The following MEF2B variants were observed in gnomAD, a reference collection of about 807,000 sequenced individuals.
MEF2B encodes the protein myocyte enhancer factor 2B.
In MEF2B, 15 loss-of-function variants were observed where a neutral mutation model predicts 32.2. The observed-to-expected ratio is 0.47, with a 90% CI of 0.31 to 0.72. The LOEUF is 0.72. Ranked by LOEUF, MEF2B falls within the 30% of genes least tolerant of loss-of-function variation. The pLI, the probability that MEF2B is intolerant of heterozygous loss-of-function variation, is 0.05. For missense variants in MEF2B, 441 were observed against 511.5 expected, an observed-to-expected ratio of 0.86 and a Z score of 1.33; for synonymous variants, 205 against 225.6, an observed-to-expected ratio of 0.91 and a Z score of 0.82.
chr19:19,148,284 T>C, intron 3 of MEF2B, among the ~76,000 whole-genome samples: 1 of 152,172 alleles, frequency 6.6e-6, no homozygotes, highest in East Asian at 1.9e-4. Context: ...GCCAACATGG[T>C]AAGACCTCCA....
intron 6 of MEF2B, 28 bp downstream of exon 6, chr19:19,146,714 A>C: frequency 6.2e-7 from 1 of 1,613,798 alleles, no homozygotes; most frequent in Non-Finnish European, 8.5e-7. Context: ...TGCCCTCATC[A>C]GCCCTGCCAC....
At chr19:19,146,141 G>C in intron 8 of MEF2B, 119 bp from the exon 9 acceptor site, 1 of 966,856 alleles carries the variant, frequency 1.0e-6, no homozygotes, top group Admixed American at 3.5e-5. Context: ...GGGGGTGGCG[G>C]TCCCTCTTGG....
intron 1 of MEF2B, among the ~76,000 whole-genome samples, chr19:19,166,005 C>A (rs1422436765): frequency 1.3e-5 from 2 of 152,122 alleles, no homozygotes; most frequent in African/African-American, 4.8e-5. Flanking sequence ...TTATTGAGCC[C>A]TTACTGTCTG....
intron 1 of MEF2B, among the ~76,000 whole-genome samples, chr19:19,153,224 A>T (rs2060097233): frequency 6.6e-6 from 1 of 152,072 alleles, no homozygotes; most frequent in African/African-American, 2.4e-5. Context: ...CCCATTTTAG[A>T]CACAGACACC....
intron 1 of MEF2B, among the ~76,000 whole-genome samples, chr19:19,160,911 G>A (rs988162689): frequency 3.9e-5 from 6 of 152,238 alleles, no homozygotes; most frequent in Non-Finnish European, 7.4e-5. Flanking sequence ...GGGGGCCTAG[G>A]GAGGTGGTAC....
At chr19:19,149,187 A>C (rs1454391576) in intron 3 of MEF2B, 39 bp downstream of exon 3, 1 of 1,608,944 alleles carries the variant, frequency 6.2e-7, no homozygotes, top group Non-Finnish European at 8.5e-7. Context: ...AGCAGCGTGC[A>C]CGGGGCCTTG....
intron 1 of MEF2B, among the ~76,000 whole-genome samples, chr19:19,165,041 G>A (rs539147072): frequency 6.6e-6 from 1 of 152,322 alleles, no homozygotes; most frequent in East Asian, 1.9e-4. Flanking sequence ...CGAAGATGCA[G>A]CCAGCAGGGA....
Position 19,145,767 on chromosome 19 carries a change from C to G in MEF2B, c.*30G>C. On this transcript the variant is annotated 3_prime_UTR_variant, in exon 9 of 9. Coordinates refer to ENST00000424583, the MANE Select transcript of MEF2B (RefSeq NM_001145785.2). The surrounding 1 kb of genome is among the most constrained non-coding windows in gnomAD (Gnocchi z 4.6). ...ACGTGCCCTCGCCGTACCTGGCGAG[C>G]GCTCTGGGCTGGTGCCACCGGGTGA... 6.4e-7 allele frequency: 1 copy of G among 1,554,332 alleles called. No homozygotes were observed. The highest frequency in any genetic ancestry group is 1.2e-5 in the South Asian group (1 of 84,396).
At chr19:19,166,732 C>T (rs547012521) in intron 1 of MEF2B, among the ~76,000 whole-genome samples, 27 of 151,802 alleles carry the variant, frequency 1.8e-4, no homozygotes, top group Middle Eastern at 6.8e-3. Flanking sequence ...CAAGGAAAGA[C>T]AGAAAGACAT....
At chr19:19,167,657 C>G (rs536012921) in intron 1 of MEF2B, among the ~76,000 whole-genome samples, 22 of 152,312 alleles carry the variant, frequency 1.4e-4, no homozygotes, top group African/African-American at 3.1e-4. Context: ...TTTGCATTTT[C>G]CAGATGTCCA....
Position 19,146,292 on chromosome 19 carries a change from CG to C in MEF2B, c.861del (p.Ala288ProfsTer116). On this transcript the variant is annotated frameshift_variant, in exon 8 of 9. Transcript: ENST00000424583. LOFTEE classifies it low-confidence loss of function (END_TRUNC). ...PWQPSRGDGP[P>X]AVSSQPSGGR... Reference sequence around the variant, plus strand: ...ACTTACCTGGGCTGGGAGGACACGGCGGGGGGCCCATCACCCCTCGAGGGCT... The same window carrying C: ...ACTTACCTGGGCTGGGAGGACACGGCGGGGGCCCATCACCCCTCGAGGGCT... 12 of 1,248,396 alleles carry C rather than the reference CG, an allele frequency of 9.6e-6. No individual in the cohort carries two copies. Among genetic ancestry groups the C allele is most frequent in the Non-Finnish European group, 1.1e-5 (11 of 986,454 alleles). The allele number at this position is 1,248,396 out of a possible 1,614,324, so 77.3% of individuals were successfully genotyped here. A position where few individuals can be genotyped will look rare whatever the true frequency, so the allele number is the denominator to read the frequency against.
chr19:19,145,806 C>T lies in MEF2B; in HGVS notation c.1098G>A (p.Trp366Ter), dbSNP rs1484244393. ...GCCACCGGGTGATCTCCTACCGGGG[C>T]CAGCCGTCGGCCAAGGGCAGCCGGC... is the stretch of plus-strand genomic sequence containing the variant. ...ALRRLPLADG[W>*]PR The change falls in exon 9 of 9, where the codon TGG becomes TGA. Residue 366 changes from tryptophan (W) to a stop codon, truncating the protein, a stop_gained. Transcript: ENST00000424583. LOFTEE classifies it high-confidence loss of function. The surrounding 1 kb of genome is among the most constrained non-coding windows in gnomAD (Gnocchi z 4.6). 2 of 1,539,300 alleles carry T rather than the reference C, an allele frequency of 1.3e-6. No individual in the cohort carries two copies. The highest frequency in any genetic ancestry group is 1.2e-5 in the South Asian group (1 of 83,488).
At chr19:19,163,397 G>A (rs1461427769) in intron 1 of MEF2B, among the ~76,000 whole-genome samples, 1 of 152,040 alleles carries the variant, frequency 6.6e-6, no homozygotes, top group Non-Finnish European at 1.5e-5. Flanking sequence ...TGATCCTGCT[G>A]CCTCGGTCTT....
At chr19:19,165,667 G>C (rs185644252) in intron 1 of MEF2B, among the ~76,000 whole-genome samples, 128 of 152,238 alleles carry the variant, frequency 8.4e-4, no homozygotes, top group Non-Finnish European at 1.5e-3. Context: ...TGTGTGAGGA[G>C]GGGGAGGACT....
In MEF2B at chr19:19,147,194, A is replaced by T. The variant is rs754432867; in HGVS notation, c.394-11T>A. On this transcript the variant is annotated splice_polypyrimidine_tract_variant and intron_variant, in intron 4 of 8. Transcript: ENST00000424583. ...AGCAGGAGCTGCAGGCTGTGGGTAGAGAAGGGATGGGTCAGAGGACCCCAG... is the reference window on the plus strand; with the variant it reads ...AGCAGGAGCTGCAGGCTGTGGGTAGTGAAGGGATGGGTCAGAGGACCCCAG... The T allele has an allele frequency of 1.3e-6, 2 of 1,564,256 alleles. No homozygotes were observed. Among genetic ancestry groups the T allele is most frequent in the Non-Finnish European group, 1.7e-6 (2 of 1,155,246 alleles).
chr19:19,164,522 G>A (rs1388812896), intron 1 of MEF2B, among the ~76,000 whole-genome samples: 1 of 152,186 alleles, frequency 6.6e-6, no homozygotes, highest in African/African-American at 2.4e-5. Flanking sequence ...TGCCAAGAAG[G>A]CCTGTTCCAG....
intron 1 of MEF2B, among the ~76,000 whole-genome samples, chr19:19,161,377 A>G (rs2146377141): frequency 6.6e-6 from 1 of 152,034 alleles, no homozygotes. Flanking sequence ...GCCGCAGAAA[A>G]TCCACAGATG....
Position 19,147,079 on chromosome 19 carries a change from G to C in MEF2B, c.498C>G (p.Arg166=), listed in dbSNP as rs756523396. 2 of 1,609,390 alleles carry C rather than the reference G, an allele frequency of 1.2e-6. No homozygotes were observed. Among genetic ancestry groups the C allele is most frequent in the Admixed American group, 3.4e-5 (2 of 59,190 alleles). Residue 166 remains arginine (R), a synonymous_variant, in exon 5 of 9, where the codon CGC becomes CGG. Transcript: ENST00000424583. ...GGGCTGCTGGTCGGAAGGGAGATGGGCGGCTCTGGGCGGGCAGTGCTTCCC... is the reference window on the plus strand; with the variant it reads ...GGGCTGCTGGTCGGAAGGGAGATGGCCGGCTCTGGGCGGGCAGTGCTTCCC... The part of the protein sequence containing the change: ...GLGEALPAQS[R]PSPFRPAAPK...
intron 2 of MEF2B, among the ~76,000 whole-genome samples, chr19:19,149,776 A>AC (rs2060057243): frequency 1.0e-5 from 1 of 97,152 alleles, no homozygotes; most frequent in Non-Finnish European, 1.9e-5. Flanking sequence ...GAATAAATGA[A>AC]TAATGATCAT....
Sources: gnomAD v4.1 joint callset for allele counts (sites outside exome capture counted in the v4.1 genomes callset) on GRCh38, gnomAD v4.1.1 for gene constraint, Gnocchi (gnomAD v3.1) non-coding constraint, MANE v1.5 for transcripts, NCBI Gene and HGNC (gene_info 2026-07-23, HGNC 2026-07-21) for gene names.